The following IGSF3 variants were observed in gnomAD, a reference collection of about 807,000 sequenced individuals.
IGSF3 encodes the protein immunoglobulin superfamily member 3, also known as glu-Trp-Ile EWI motif-containing protein 3.
In IGSF3, 23 loss-of-function variants were observed where a neutral mutation model predicts 114.4. The ratio of observed to expected loss-of-function variants is 0.20; its 90% CI spans 0.14 to 0.28. The LOEUF is 0.28. IGSF3 is among the 10% of genes least tolerant of loss of function. IGSF3 has a pLI of 1.00. For synonymous variants in IGSF3, 571 were observed against 645.2 expected (o/e 0.88, Z 1.74); for missense variants, 1,172 against 1,591.5 (o/e 0.74, Z 4.48).
At position 116,628,163 on chromosome 1, in the gene IGSF3, C is replaced by G. The variant is rs547033922; in HGVS notation, c.44-11706G>C. Among the ~76,000 whole-genome samples, 1 of 152,272 alleles carries G rather than the reference C, an allele frequency of 6.6e-6. No individual in the cohort carries two copies. The highest frequency in any genetic ancestry group is 2.4e-5 in the African/African-American group (1 of 41,552). ...AGACACTGTGGGATTTCAGGGCAAC[C>G]CATGAGTGAGGATCACAGCACAGCT... On this transcript the variant is annotated intron_variant, in intron 2 of 10. Coordinates refer to ENST00000369486, the MANE Select transcript of IGSF3 (RefSeq NM_001007237.3). The surrounding 1 kb of genome is among the most constrained non-coding windows in gnomAD (Gnocchi z 4.2).
chr1:116,635,712 G>A (rs1647796395), intron 2 of IGSF3, among the ~76,000 whole-genome samples: 2 of 152,330 alleles, frequency 1.3e-5, no homozygotes, highest in Admixed American at 1.3e-4. Context: ...ATGATTCCAA[G>A]AATCAAATGA....
intron 2 of IGSF3, among the ~76,000 whole-genome samples, chr1:116,660,479 CTTTTTT>C (rs71274759): frequency 6.0e-5 from 6 of 99,742 alleles, no homozygotes; most frequent in Non-Finnish European, 4.0e-5. Context: ...GTATGCTTTT[CTTTTTT>C]TTTTTTTTTT....
chr1:116,634,168 CAT>C lies in IGSF3; in HGVS notation c.44-17713_44-17712del, dbSNP rs1647716997. Among the ~76,000 whole-genome samples the C allele has an allele frequency of 6.6e-6, 1 of 152,222 alleles. No individual in the cohort carries two copies. The highest frequency in any genetic ancestry group is 2.4e-5 in the African/African-American group (1 of 41,452). Reference sequence around the variant, plus strand: ...CTTCGGTATCCTTTTTAATTGAACACATGTGAATGTATTACCTATTCGAAAAA... The same window carrying C: ...CTTCGGTATCCTTTTTAATTGAACACGTGAATGTATTACCTATTCGAAAAA... On this transcript the variant is annotated intron_variant, in intron 2 of 10. Transcript: ENST00000369486. The surrounding 1 kb of genome is among the most constrained non-coding windows in gnomAD (Gnocchi z 4.2).
At chr1:116,645,650 A>G (rs1414341056) in intron 2 of IGSF3, among the ~76,000 whole-genome samples, 1 of 152,256 alleles carries the variant, frequency 6.6e-6, no homozygotes, top group African/African-American at 2.4e-5. Flanking sequence ...AGGTGGCTGC[A>G]TAACACTCCC....
chr1:116,609,654 T>C (rs377306384), intron 4 of IGSF3, among the ~76,000 whole-genome samples: 2 of 152,128 alleles, frequency 1.3e-5, no homozygotes, highest in East Asian at 1.9e-4. Context: ...AAAAATCCCA[T>C]GGCAGAGACG....
Position 116,661,108 on chromosome 1 carries a change from T to G in IGSF3, c.43+5176A>C, listed in dbSNP as rs1407129332. Among the ~76,000 whole-genome samples the G allele has an allele frequency of 6.6e-6, 1 of 151,946 alleles. No homozygotes were observed. ...GAGTTTGAGACCAGTGTGGCCAACA[T>G]AGTGAAGGCCCATCTCTACTAAAAA... On this transcript the variant is annotated intron_variant, in intron 2 of 10. Coordinates refer to ENST00000369486, the MANE Select transcript of IGSF3 (RefSeq NM_001007237.3). This position sits in a 1 kb window ranked among gnomAD's most constrained non-coding sequence, Gnocchi z 4.0.
In IGSF3 at chr1:116,588,332, G is replaced by A. The variant is rs1659941082; in HGVS notation, c.2440+362C>T. On this transcript the variant is annotated intron_variant, in intron 8 of 10. Transcript: ENST00000369486. The surrounding 1 kb of genome is among the most constrained non-coding windows in gnomAD (Gnocchi z 4.9). ...TCTAGGTAGGAACTCTGGGTGTGGAGCTGGTGTCAGCCCAAGATTCAGGGT... is the reference window on the plus strand; with the variant it reads ...TCTAGGTAGGAACTCTGGGTGTGGAACTGGTGTCAGCCCAAGATTCAGGGT... 6.6e-6 allele frequency among the ~76,000 whole-genome samples: 1 copy of A among 151,970 alleles called. No homozygotes were observed. The highest frequency in any genetic ancestry group is 1.5e-5 in the Non-Finnish European group (1 of 67,972).
At chr1:116,653,039 A>G (rs141119388) in intron 2 of IGSF3, among the ~76,000 whole-genome samples, 2,287 of 152,314 alleles carry the variant, frequency 0.015, 64 homozygotes, top group African/African-American at 0.052. Flanking sequence ...GAAGACACCC[A>G]GTCTCTCCAA....
rs182051229 is a variant in IGSF3, at chr1:116,607,881, C to G, written c.1222+61G>C. The G allele has an allele frequency of 2.6e-3, 3,896 of 1,526,996 alleles. 20 individuals carry two copies. The highest frequency in any genetic ancestry group is 2.8e-3 in the Non-Finnish European group (3,103 of 1,112,958). 94.6% of individuals were successfully genotyped at this position (1,526,996 alleles called of 1,614,324 possible). On this transcript the variant is annotated intron_variant, in intron 5 of 10. Coordinates refer to ENST00000369486, the MANE Select transcript of IGSF3 (RefSeq NM_001007237.3). The surrounding 1 kb of genome is among the most constrained non-coding windows in gnomAD (Gnocchi z 6.1). ...CCTTCACCACGCTATTCTCTCTCCC[C>G]CTACCTCTCCTAAATGATGCTGAGC...
rs1648924092 is a variant in IGSF3, at chr1:116,657,711, G to A, written c.43+8573C>T. 6.6e-6 allele frequency among the ~76,000 whole-genome samples: 1 copy of A among 152,188 alleles called. No individual in the cohort carries two copies. Among genetic ancestry groups the A allele is most frequent in the Non-Finnish European group, 1.5e-5 (1 of 68,034 alleles). Reference sequence around the variant, plus strand: ...CCATGGCACCAGCGATGCCACAGGTGTACCCAGTGCCCTGCCGAGAGCAGA... The same window carrying A: ...CCATGGCACCAGCGATGCCACAGGTATACCCAGTGCCCTGCCGAGAGCAGA... On this transcript the variant is annotated intron_variant, in intron 2 of 10. Transcript: ENST00000369486. This position sits in a 1 kb window ranked among gnomAD's most constrained non-coding sequence, Gnocchi z 4.2.
chr1:116,660,474 CTTT>C (rs1255478885), intron 2 of IGSF3, among the ~76,000 whole-genome samples: 1 of 130,080 alleles, frequency 7.7e-6, no homozygotes, highest in Non-Finnish European at 1.6e-5. Context: ...CCTATGTATG[CTTT>C]TCTTTTTTTT....
In IGSF3 at chr1:116,665,360, T is replaced by G. The variant is rs1649287722; in HGVS notation, c.43+924A>C. On this transcript the variant is annotated intron_variant, in intron 2 of 10. Transcript: ENST00000369486. This position sits in a 1 kb window ranked among gnomAD's most constrained non-coding sequence, Gnocchi z 4.0. ...CCTTCTGAATGCAGAGGACCGAGCC[T>G]TACAGAGAGGGCAGGGGGTGTGCTC... Among the ~76,000 whole-genome samples, 1 of 152,242 alleles carries G rather than the reference T, an allele frequency of 6.6e-6. No homozygotes were observed.
Position 116,655,473 on chromosome 1 carries a change from G to A in IGSF3, c.43+10811C>T, listed in dbSNP as rs769390484. ...AGAGGTTTTAAAGAAAGTCATTCCCGTGAACGTTGAGAAGTAACCCAACGC... is the reference window on the plus strand; with the variant it reads ...AGAGGTTTTAAAGAAAGTCATTCCCATGAACGTTGAGAAGTAACCCAACGC... On this transcript the variant is annotated intron_variant, in intron 2 of 10. Transcript: ENST00000369486. The surrounding 1 kb of genome is among the most constrained non-coding windows in gnomAD (Gnocchi z 4.3). Among the ~76,000 whole-genome samples the A allele has an allele frequency of 1.1e-4, 16 of 152,192 alleles. No homozygotes were observed. The highest frequency in any genetic ancestry group is 3.8e-4 in the East Asian group (2 of 5,200).
intron 2 of IGSF3, among the ~76,000 whole-genome samples, chr1:116,640,054 AAAAG>A (rs58997685): frequency 0.049 from 7,135 of 146,894 alleles, 513 homozygotes; most frequent in African/African-American, 0.17. Flanking sequence ...AAAAAAAAAA[AAAAG>A]AAAGAAAGAA....
rs187807035 is a variant in IGSF3 at position 116,625,325 on chromosome 1, C to A, written c.44-8868G>T. ...AGCCCTTTCAGAAAGTGAAAGCATTCAAAAAGCCTTCAAAAAAGCAGTGAC... is the reference window on the plus strand; with the variant it reads ...AGCCCTTTCAGAAAGTGAAAGCATTAAAAAAGCCTTCAAAAAAGCAGTGAC... On this transcript the variant is annotated intron_variant, in intron 2 of 10. Transcript: ENST00000369486. The surrounding 1 kb of genome is among the most constrained non-coding windows in gnomAD (Gnocchi z 4.7). Among the ~76,000 whole-genome samples, 8 of 152,270 alleles carry A rather than the reference C, an allele frequency of 5.3e-5. No individual in the cohort carries two copies. In the East Asian group the frequency reaches 1.5e-3, roughly 29 times the overall value.
intron 2 of IGSF3, among the ~76,000 whole-genome samples, chr1:116,658,876 T>G (rs1648993914): frequency 6.6e-6 from 1 of 152,196 alleles, no homozygotes. Flanking sequence ...GCAAATTGAT[T>G]GACTGTTTCA....
rs1417711873 is a variant in IGSF3, at chr1:116,654,099, C to T, written c.43+12185G>A. The stretch of plus-strand genomic sequence containing the variant: ...TCTGCACCATCATTCCTCACACTAA[C>T]AAACATGTCCATCTATGTGAAGCAG... On this transcript the variant is annotated intron_variant, in intron 2 of 10. Coordinates refer to ENST00000369486, the MANE Select transcript of IGSF3 (RefSeq NM_001007237.3). The surrounding 1 kb of genome is among the most constrained non-coding windows in gnomAD (Gnocchi z 4.4). Among the ~76,000 whole-genome samples, 1 of 152,244 alleles carries T rather than the reference C, an allele frequency of 6.6e-6. No homozygotes were observed. Among genetic ancestry groups the T allele is most frequent in the African/African-American group, 2.4e-5 (1 of 41,472 alleles).
In IGSF3 at chr1:116,612,472, TC is replaced by T. The variant is rs996226270; in HGVS notation, c.832+1292del. Among the ~76,000 whole-genome samples, 5 of 152,120 alleles carry T rather than the reference TC, an allele frequency of 3.3e-5. No individual in the cohort carries two copies. Among genetic ancestry groups the T allele is most frequent in the African/African-American group, 1.2e-4 (5 of 41,488 alleles). ...CGTGCCGGAAATCCAGCTTCCCAGG[TC>T]CCATCCCAGGAGCCTCCAATTGAAG... On this transcript the variant is annotated intron_variant, in intron 4 of 10. Coordinates refer to ENST00000369486, the MANE Select transcript of IGSF3 (RefSeq NM_001007237.3). This position sits in a 1 kb window ranked among gnomAD's most constrained non-coding sequence, Gnocchi z 4.1.
chr1:116,595,328 C>T lies in IGSF3; in HGVS notation c.2029+4613G>A, dbSNP rs1268098880. On this transcript the variant is annotated intron_variant, in intron 7 of 10. Coordinates refer to ENST00000369486, the MANE Select transcript of IGSF3 (RefSeq NM_001007237.3). This position sits in a 1 kb window ranked among gnomAD's most constrained non-coding sequence, Gnocchi z 4.2. Reference sequence around the variant, plus strand: ...TGCACTGACACCCATTCTATCTTGGCACAGACAACAGGCAGAAGCCACCTG... The same window carrying T: ...TGCACTGACACCCATTCTATCTTGGTACAGACAACAGGCAGAAGCCACCTG... 6.6e-6 allele frequency among the ~76,000 whole-genome samples: 1 copy of T among 152,126 alleles called. No homozygotes were observed. Among genetic ancestry groups the T allele is most frequent in the East Asian group, 1.9e-4 (1 of 5,194 alleles).
Sources: gnomAD v4.1 joint callset for allele counts (sites outside exome capture counted in the v4.1 genomes callset) on GRCh38, gnomAD v4.1.1 for gene constraint, Gnocchi (gnomAD v3.1) non-coding constraint, MANE v1.5 for transcripts, NCBI Gene and HGNC (gene_info 2026-07-23, HGNC 2026-07-21) for gene names.